The following NEXMIF variants were observed in gnomAD, a reference collection of about 807,000 sequenced individuals.
NEXMIF encodes XLMR protein related to neurite extension.
In NEXMIF, 8 loss-of-function variants were observed where a neutral mutation model predicts 62.1. That is an observed-to-expected ratio of 0.13 (90% CI 0.08 to 0.23). NEXMIF has a LOEUF of 0.23. NEXMIF is among the 10% of genes least tolerant of loss of function. The probability of loss-of-function intolerance (pLI) is 1.00; values close to 1 mark genes in which losing one functional copy is unlikely to be tolerated. For synonymous variants in NEXMIF, 404 were observed against 416.6 expected, an observed-to-expected ratio of 0.97 and a Z score of 0.37; for missense variants, 976 against 1,113.3, an observed-to-expected ratio of 0.88 and a Z score of 1.75.
intron 1 of NEXMIF, among the ~76,000 whole-genome samples, chrX:74,795,190 C>G (rs2080302456): frequency 8.9e-6 from 1 of 112,170 alleles, no homozygotes. Flanking sequence ...GGTATTTACC[C>G]AAGTGAATTG....
chrX:74,755,703 G>T (rs1351774561), intron 1 of NEXMIF, among the ~76,000 whole-genome samples: 1 of 111,543 alleles, frequency 9.0e-6, no homozygotes, highest in Non-Finnish European at 1.9e-5. Context: ...TACTGTTTCA[G>T]ATCCCACCCT....
At chrX:74,890,270 C>T (rs1485238147) in intron 1 of NEXMIF, among the ~76,000 whole-genome samples, 1 of 110,711 alleles carries the variant, frequency 9.0e-6, no homozygotes. Flanking sequence ...ATGAGTCATA[C>T]TTTATAGACA....
chrX:74,877,690 C>G (rs1359811759), intron 1 of NEXMIF, among the ~76,000 whole-genome samples: 4 of 111,196 alleles, frequency 3.6e-5, no homozygotes, highest in Non-Finnish European at 7.5e-5. Context: ...TTGCTCGTTT[C>G]TTTTTATTCT....
At chrX:74,898,454 G>A (rs2080739275) in intron 1 of NEXMIF, among the ~76,000 whole-genome samples, 1 of 111,597 alleles carries the variant, frequency 9.0e-6, no homozygotes, top group African/African-American at 3.3e-5. Flanking sequence ...CTAAGGAGAC[G>A]TGATAGCTAA....
Position 74,738,312 on chromosome X carries a change from A to G in NEXMIF, c.*1093T>C, listed in dbSNP as rs896904057. 1.8e-5 allele frequency: 2 copies of G among 111,651 alleles called. No individual in the cohort carries two copies. Among genetic ancestry groups the G allele is most frequent in the African/African-American group, 6.5e-5 (2 of 30,728 alleles). 9.2% of individuals were successfully genotyped at this position (111,651 alleles called of 1,213,427 possible). ...AAATGTACTTTACTCATAAGAAGAAAAATTTGGTTGAACTGGGATGCCTTA... is the reference window on the plus strand; with the variant it reads ...AAATGTACTTTACTCATAAGAAGAAGAATTTGGTTGAACTGGGATGCCTTA... On this transcript the variant is annotated 3_prime_UTR_variant, in exon 4 of 4. Coordinates refer to ENST00000055682, the MANE Select transcript of NEXMIF (RefSeq NM_001008537.3).
intron 1 of NEXMIF, among the ~76,000 whole-genome samples, chrX:74,902,606 T>A (rs2080752636): frequency 1.8e-5 from 2 of 110,913 alleles, no homozygotes; most frequent in African/African-American, 6.6e-5. Context: ...CCTCTTGTCT[T>A]TTCCAGTGAG....
At chrX:74,803,527 C>A (rs2080336163) in intron 1 of NEXMIF, among the ~76,000 whole-genome samples, 1 of 110,429 alleles carries the variant, frequency 9.1e-6, no homozygotes, top group Admixed American at 9.6e-5. Context: ...GAGATTGCGC[C>A]ACTGCACTCC....
rs974143533 is a variant in NEXMIF, at chrX:74,894,352, T to C, written c.-48+30531A>G. On this transcript the variant is annotated intron_variant, in intron 1 of 3. Transcript: ENST00000055682. Reference sequence around the variant, plus strand: ...AGAGCCAAAGAAATACAATCAGAACTGAAAAAGACGGCATTACAACTGATA... The same window carrying C: ...AGAGCCAAAGAAATACAATCAGAACCGAAAAAGACGGCATTACAACTGATA... Among the ~76,000 whole-genome samples the C allele has an allele frequency of 2.7e-5, 3 of 110,885 alleles. 1 individual carries two copies. The Admixed American group carries it at 2.9e-4, about 11-fold the overall frequency.
intron 1 of NEXMIF, among the ~76,000 whole-genome samples, chrX:74,877,200 CT>C (rs1284850977): frequency 9.0e-6 from 1 of 111,184 alleles, no homozygotes; most frequent in Non-Finnish European, 1.9e-5. Flanking sequence ...GTGACAAAAT[CT>C]CTCAGCATTT....
chrX:74,919,265 C>T (rs758190583), intron 1 of NEXMIF, among the ~76,000 whole-genome samples: 67 of 111,668 alleles, frequency 6.0e-4, no homozygotes, highest in African/African-American at 1.8e-3. Flanking sequence ...GCCAATAATC[C>T]AATTCTGTTG....
At chrX:74,766,751 G>A (rs2080195964) in intron 1 of NEXMIF, among the ~76,000 whole-genome samples, 1 of 112,300 alleles carries the variant, frequency 8.9e-6, no homozygotes, top group African/African-American at 3.2e-5. Flanking sequence ...GTCTGGTTAA[G>A]AACCCTTGTT....
At chrX:74,825,595 C>T (rs960703907) in intron 1 of NEXMIF, among the ~76,000 whole-genome samples, 4 of 112,237 alleles carry the variant, frequency 3.6e-5, no homozygotes, top group African/African-American at 1.3e-4. Flanking sequence ...GCTCTTGTCG[C>T]CCAGGCTGAA....
chrX:74,752,557 C>T (rs1328276015), intron 1 of NEXMIF, among the ~76,000 whole-genome samples: 2 of 111,136 alleles, frequency 1.8e-5, no homozygotes, highest in Non-Finnish European at 3.8e-5. Flanking sequence ...GTGCATAAGA[C>T]GATGAATCAA....
At chrX:74,823,567 G>T (rs1322532966) in intron 1 of NEXMIF, among the ~76,000 whole-genome samples, 1 of 111,216 alleles carries the variant, frequency 9.0e-6, no homozygotes, top group Non-Finnish European at 1.9e-5. Flanking sequence ...TAGTACCGTT[G>T]TTATGAAAGA....
At chrX:74,871,352 C>T (rs2080600211) in intron 1 of NEXMIF, among the ~76,000 whole-genome samples, 1 of 111,030 alleles carries the variant, frequency 9.0e-6, no homozygotes. Context: ...AGATCAGATG[C>T]TTCAAAGGGC....
intron 1 of NEXMIF, among the ~76,000 whole-genome samples, chrX:74,891,180 T>A (rs1051702674): frequency 8.9e-6 from 1 of 111,916 alleles, no homozygotes; most frequent in Non-Finnish European, 1.9e-5. Flanking sequence ...CTCCACTTAC[T>A]ACCCTCTCCT....
At chrX:74,838,922 A>C (rs2080465585) in intron 1 of NEXMIF, among the ~76,000 whole-genome samples, 1 of 112,171 alleles carries the variant, frequency 8.9e-6, no homozygotes, top group African/African-American at 3.2e-5. Context: ...GTTTTATGGT[A>C]AAATTCTAGT....
At chrX:74,817,254 G>A (rs1010960361) in intron 1 of NEXMIF, among the ~76,000 whole-genome samples, 2 of 111,484 alleles carry the variant, frequency 1.8e-5, no homozygotes, top group African/African-American at 6.5e-5. Context: ...CAAAGAGCCC[G>A]ACAAGAATGG....
intron 1 of NEXMIF, among the ~76,000 whole-genome samples, chrX:74,837,787 G>A (rs1045571810): frequency 6.3e-5 from 7 of 111,828 alleles, no homozygotes. Flanking sequence ...TAGTCATCAA[G>A]GGGGACAATT....
Sources: allele counts gnomAD v4.1 joint callset (sites outside exome capture counted in the v4.1 genomes callset), GRCh38; gene constraint gnomAD v4.1.1; transcripts MANE v1.5; gene names NCBI Gene and HGNC (gene_info 2026-07-23, HGNC 2026-07-21).